Variants in CCNJ observed in about 807,000 individuals in gnomAD.
CCNJ encodes the protein cyclin-J.
CCNJ carries 12 observed loss-of-function variants against 41.4 expected under a neutral mutation model. The observed-to-expected ratio is 0.29, with a 90% CI of 0.19 to 0.47. The LOEUF (loss-of-function observed/expected upper bound fraction) is 0.47. Among genes scored for constraint, CCNJ ranks in the 20% least tolerant of loss-of-function variants. CCNJ has a pLI of 1.00. For missense variants in CCNJ, 340 were observed against 464.6 expected (o/e 0.73, Z 2.47); for synonymous variants, 161 against 173.4 (o/e 0.93, Z 0.56).
intron 3 of CCNJ, among the ~76,000 whole-genome samples, chr10:96,054,890 C>T (rs901537162): frequency 1.3e-5 from 2 of 152,098 alleles, no homozygotes; most frequent in South Asian, 4.1e-4. Context: ...TACAGTATTC[C>T]TTTGAAGTAT....
chr10:96,047,775 T>A (rs2080405282), intron 2 of CCNJ, among the ~76,000 whole-genome samples: 1 of 152,176 alleles, frequency 6.6e-6, no homozygotes, highest in Non-Finnish European at 1.5e-5. Flanking sequence ...AACATAAAAC[T>A]TTTTTTCCCC....
rs2142071997 is a variant in CCNJ, at chr10:96,057,840, A to G, written c.751A>G (p.Asn251Asp). ...CTCTCCACGTTTCAGCGCTCATGATAATGATGTGAAAGAAGCAAACAAACA... is the reference window on the plus strand; with the variant it reads ...CTCTCCACGTTTCAGCGCTCATGATGATGATGTGAAAGAAGCAAACAAACA... ...CIERLLIAHD[N>D]DVKEANKQRG... The change falls in exon 6 of 6, where the codon AAT (asparagine) becomes GAT (aspartate). Residue 251 changes from asparagine (N) to aspartate (D), a missense_variant. Transcript: ENST00000465148. 1 of 1,613,544 alleles carries G rather than the reference A, an allele frequency of 6.2e-7. No homozygotes were observed. The highest frequency in any genetic ancestry group is 2.2e-5 in the East Asian group (1 of 44,888).
In CCNJ at chr10:96,059,469, C is replaced by T. The variant is rs1246053207; in HGVS notation, c.*1228C>T. On this transcript the variant is annotated 3_prime_UTR_variant, in exon 6 of 6. Transcript: ENST00000465148. ...TCACTGTACCAGTATTAACTGCAAA[C>T]AGCAATAATTGTCATTACAGCAAGG... The T allele has an allele frequency of 6.6e-6, 1 of 152,478 alleles. No homozygotes were observed. The highest frequency in any genetic ancestry group is 2.4e-5 in the African/African-American group (1 of 41,436). The allele number at this position is 152,478 out of a possible 1,614,324, so 9.4% of individuals were successfully genotyped here.
intron 2 of CCNJ, among the ~76,000 whole-genome samples, chr10:96,048,193 A>G (rs1170248422): frequency 6.6e-6 from 1 of 152,146 alleles, no homozygotes; most frequent in Non-Finnish European, 1.5e-5. Flanking sequence ...ATTGATGGGC[A>G]TTTAGGTTGA....
intron 3 of CCNJ, among the ~76,000 whole-genome samples, chr10:96,054,125 A>G (rs2080610944): frequency 6.6e-6 from 1 of 152,190 alleles, no homozygotes; most frequent in African/African-American, 2.4e-5. Context: ...AAGACAACCC[A>G]GTGTTTTTGT....
intron 1 of CCNJ, 74 bp from the exon 2 acceptor site, chr10:96,044,279 C>A: frequency 1.3e-6 from 1 of 785,442 alleles, no homozygotes; most frequent in Non-Finnish European, 1.8e-6. Flanking sequence ...GGCCTGAGGT[C>A]ACACCCCCCG....
chr10:96,049,531 G>T (rs1246973649), intron 2 of CCNJ, among the ~76,000 whole-genome samples: 1 of 120,028 alleles, frequency 8.3e-6, no homozygotes, highest in African/African-American at 3.2e-5. Context: ...TTTTGGTATC[G>T]TATCCCTGTT....
chr10:96,043,366 C>G (rs916020971), upstream of CCNJ: 27 of 346,824 alleles, frequency 7.8e-5, no homozygotes, highest in Non-Finnish European at 1.2e-4. Context: ...GCAACCGAAG[C>G]GCCAGGCCAG....
intron 2 of CCNJ, among the ~76,000 whole-genome samples, chr10:96,045,540 G>A (rs1254977483): frequency 6.6e-6 from 1 of 152,126 alleles, no homozygotes; most frequent in Non-Finnish European, 1.5e-5. Context: ...CTGACATTCA[G>A]TCTCTTAGAT....
rs2080715616 is a variant in CCNJ, at chr10:96,057,078, G to A, written c.581-10G>A. The stretch of plus-strand genomic sequence containing the variant: ...TCTGTTCCTTAAGTTCATTTTTGGT[G>A]TCTCCACAGATTATGCCTTTCTAAA... On this transcript the variant is annotated splice_polypyrimidine_tract_variant and intron_variant, in intron 4 of 5. Transcript: ENST00000465148. 6.2e-7 allele frequency: 1 copy of A among 1,613,876 alleles called. No individual in the cohort carries two copies. Among genetic ancestry groups the A allele is most frequent in the African/African-American group, 1.3e-5 (1 of 74,890 alleles).
intron 2 of CCNJ, among the ~76,000 whole-genome samples, chr10:96,046,737 A>G (rs937922256): frequency 1.3e-5 from 2 of 152,202 alleles, no homozygotes; most frequent in Non-Finnish European, 2.9e-5. Context: ...TGAAAATGAC[A>G]ATGAATGGAA....
At chr10:96,056,136 C>T (rs556317670) in intron 3 of CCNJ, among the ~76,000 whole-genome samples, 3 of 152,160 alleles carry the variant, frequency 2.0e-5, no homozygotes, top group African/African-American at 7.2e-5. Flanking sequence ...GGTGAAACCC[C>T]GTCTCTACTA....
chr10:96,058,825 A>T lies in CCNJ; in HGVS notation c.*584A>T, dbSNP rs1188138989. On this transcript the variant is annotated 3_prime_UTR_variant, in exon 6 of 6. Transcript: ENST00000465148. ...TTCTATATAACTTCGTCTCACAAAT[A>T]GTGTAGGTATCTGGGTTTATATACT... 1 of 232,588 alleles carries T rather than the reference A, an allele frequency of 4.3e-6. No homozygotes were observed. Among genetic ancestry groups the T allele is most frequent in the Non-Finnish European group, 8.2e-6 (1 of 121,732 alleles). 14.4% of individuals were successfully genotyped at this position (232,588 alleles called of 1,614,324 possible). A position where few individuals can be genotyped will look rare whatever the true frequency, so the allele number is the denominator to read the frequency against.
intron 5 of CCNJ, 62 bp downstream of exon 5, chr10:96,057,309 G>A (rs75843021): frequency 2.8e-5 from 41 of 1,450,288 alleles, no homozygotes; most frequent in Non-Finnish European, 3.7e-5. Flanking sequence ...TGTATGAGGT[G>A]CCCTGAAAAC....
intron 3 of CCNJ, among the ~76,000 whole-genome samples, chr10:96,056,365 C>T (rs2080692705): frequency 6.6e-6 from 1 of 152,000 alleles, no homozygotes; most frequent in Non-Finnish European, 1.5e-5. Context: ...TTACCAGCTA[C>T]CACCCACCTG....
At position 96,058,708 on chromosome 10, in the gene CCNJ, A is replaced by G. The variant is rs188627904; in HGVS notation, c.*467A>G. ...GGTTTTTTTTATTCTGCAATTTTTT[A>G]TTTTTGTTCTACACATGAATTTTTG... On this transcript the variant is annotated 3_prime_UTR_variant, in exon 6 of 6. Transcript: ENST00000465148. 46 of 391,728 alleles carry G rather than the reference A, an allele frequency of 1.2e-4. No individual in the cohort carries two copies. Among genetic ancestry groups the G allele is most frequent in the Non-Finnish European group, 1.4e-4 (32 of 222,222 alleles). The allele number at this position is 391,728 out of a possible 1,614,324, so 24.3% of individuals were successfully genotyped here. A position where few individuals can be genotyped will look rare whatever the true frequency, so the allele number is the denominator to read the frequency against.
At chr10:96,050,577 T>G in intron 3 of CCNJ, 111 bp downstream of exon 3, 1 of 766,028 alleles carries the variant, frequency 1.3e-6, no homozygotes, top group East Asian at 2.7e-5. Context: ...TCCAGTTCAC[T>G]AGTATCAAGA....
rs12244026 is a variant in CCNJ at position 96,058,786 on chromosome 10, A to T, written c.*545A>T. On this transcript the variant is annotated 3_prime_UTR_variant, in exon 6 of 6. Transcript: ENST00000465148. Reference sequence around the variant, plus strand: ...GCTATACCAATCTGCAGTAAAAAAAATTTTTTTAGATGATTCTATATAACT... The same window carrying T: ...GCTATACCAATCTGCAGTAAAAAAATTTTTTTTAGATGATTCTATATAACT... The T allele has an allele frequency of 1.4e-3, 430 of 302,780 alleles. 1 individual carries two copies. Among genetic ancestry groups the T allele is most frequent in the African/African-American group, 7.8e-3 (363 of 46,734 alleles). The allele number at this position is 302,780 out of a possible 1,614,324, so 18.8% of individuals were successfully genotyped here. A position where few individuals can be genotyped will look rare whatever the true frequency, so the allele number is the denominator to read the frequency against.
intron 2 of CCNJ, among the ~76,000 whole-genome samples, chr10:96,045,090 G>C (rs1048123816): frequency 3.3e-5 from 5 of 152,172 alleles, no homozygotes; most frequent in Non-Finnish European, 7.3e-5. Context: ...GGAGGGAGTT[G>C]GCTGCCCCTT....
Sources: gnomAD v4.1 joint callset for allele counts (sites outside exome capture counted in the v4.1 genomes callset) on GRCh38, gnomAD v4.1.1 for gene constraint, MANE v1.5 for transcripts, NCBI Gene and HGNC (gene_info 2026-07-23, HGNC 2026-07-21) for gene names.